CTNND2: variants seen among roughly 807,000 people sequenced by gnomAD.
CTNND2 encodes the protein catenin delta-2.
Under a neutral mutation model 144.4 loss-of-function variants are expected in CTNND2, and 22 were observed. The ratio of observed to expected loss-of-function variants is 0.15; its 90% CI spans 0.11 to 0.22. The LOEUF is 0.22. CTNND2 is among the 10% of genes least tolerant of loss of function. The pLI is 1.00. For missense variants in CTNND2, 1,353 were observed against 1,618.8 expected (o/e 0.84, Z 2.82); for synonymous variants, 751 against 695.6 (o/e 1.08, Z -1.25).
At chr5:11,733,969 T>C (rs1293540015) in intron 1 of CTNND2, among the ~76,000 whole-genome samples, 1 of 151,974 alleles carries the variant, frequency 6.6e-6, no homozygotes, top group Admixed American at 6.6e-5. Context: ...TGAGAGGAGA[T>C]GAAGTCAAGA....
At chr5:11,639,716 A>G (rs541393369) in intron 2 of CTNND2, among the ~76,000 whole-genome samples, 4 of 152,330 alleles carry the variant, frequency 2.6e-5, no homozygotes, top group South Asian at 2.1e-4. Context: ...TCAAAATTAT[A>G]TAACTCTAGA....
chr5:11,665,633 G>T (rs190097239), intron 2 of CTNND2, among the ~76,000 whole-genome samples: 31 of 152,266 alleles, frequency 2.0e-4, no homozygotes, highest in Admixed American at 1.9e-3. Context: ...CAGAATGACA[G>T]ATTTATATAA....
intron 6 of CTNND2, among the ~76,000 whole-genome samples, chr5:11,390,009 C>T (rs1759495997): frequency 6.6e-6 from 1 of 152,170 alleles, no homozygotes; most frequent in African/African-American, 2.4e-5. Context: ...CGCAAGTATT[C>T]TAAAATCGCC....
At chr5:11,240,386 TCACA>T (rs1211603571) in intron 9 of CTNND2, among the ~76,000 whole-genome samples, 2 of 93,808 alleles carry the variant, frequency 2.1e-5, no homozygotes, top group African/African-American at 4.6e-5. Flanking sequence ...ACACATACAC[TCACA>T]CACCCAACAC....
chr5:11,432,162 G>A (rs1011590074), intron 3 of CTNND2, among the ~76,000 whole-genome samples: 1 of 132,008 alleles, frequency 7.6e-6, no homozygotes, highest in Admixed American at 8.2e-5. Context: ...CTTAAGGACT[G>A]TTACTTTGAG....
intron 2 of CTNND2, among the ~76,000 whole-genome samples, chr5:11,672,155 C>T (rs1426012158): frequency 6.6e-6 from 1 of 152,212 alleles, no homozygotes; most frequent in African/African-American, 2.4e-5. Context: ...CCTCTGGAAG[C>T]TTCGTCCCAG....
At chr5:11,506,052 C>T (rs181220108) in intron 3 of CTNND2, among the ~76,000 whole-genome samples, 1 of 152,112 alleles carries the variant, frequency 6.6e-6, no homozygotes, top group Non-Finnish European at 1.5e-5. Context: ...TGTCTGTGTG[C>T]ATGGTGTCAC....
intron 3 of CTNND2, among the ~76,000 whole-genome samples, chr5:11,540,488 A>T (rs925319171): frequency 1.3e-5 from 2 of 152,142 alleles, no homozygotes; most frequent in Non-Finnish European, 2.9e-5. Context: ...ACACAGACTT[A>T]AGGTCATACT....
chr5:11,013,498 A>G (rs1430547588), intron 18 of CTNND2, among the ~76,000 whole-genome samples: 2 of 152,220 alleles, frequency 1.3e-5, no homozygotes, highest in East Asian at 3.8e-4. Context: ...GACCTAGAAA[A>G]GAAATGACCT....
intron 2 of CTNND2, among the ~76,000 whole-genome samples, chr5:11,700,958 T>C (rs770395868): frequency 1.3e-5 from 2 of 152,196 alleles, no homozygotes; most frequent in Non-Finnish European, 2.9e-5. Flanking sequence ...GGGGTAACTA[T>C]AAAATGATTA....
intron 1 of CTNND2, among the ~76,000 whole-genome samples, chr5:11,881,804 GAACTGCCC>G (rs1024911412): frequency 5.9e-5 from 9 of 151,948 alleles, no homozygotes; most frequent in African/African-American, 2.2e-4. Flanking sequence ...GTTTTTTGAA[GAACTGCCC>G]TACTTTCATA....
rs147651551 is a variant in CTNND2 at position 11,633,693 on chromosome 5, T to C, written c.175-68637A>G. Among the ~76,000 whole-genome samples the C allele has an allele frequency of 3.9e-5, 6 of 152,008 alleles. 1 individual carries two copies. The East Asian group carries it at 1.2e-3, about 29-fold the overall frequency. ...ATGGAGGCTAAGGCAGGAGAATTTCTTGAACCTGAGAGGCAGAGTTTGCAG... is the reference window on the plus strand; with the variant it reads ...ATGGAGGCTAAGGCAGGAGAATTTCCTGAACCTGAGAGGCAGAGTTTGCAG... On this transcript the variant is annotated intron_variant, in intron 2 of 21. Coordinates refer to ENST00000304623, the MANE Select transcript of CTNND2 (RefSeq NM_001332.4).
chr5:11,297,903 G>A (rs1749185702), intron 9 of CTNND2, among the ~76,000 whole-genome samples: 2 of 152,098 alleles, frequency 1.3e-5, no homozygotes, highest in Admixed American at 1.3e-4. Flanking sequence ...AAGACAAAAT[G>A]AAAATACCAT....
rs528374909 is a variant in CTNND2 at position 11,266,681 on chromosome 5, TACA to T, written c.1629-29861_1629-29859del. Among the ~76,000 whole-genome samples the T allele has an allele frequency of 2.0e-3, 299 of 152,358 alleles. 1 individual carries two copies. Among genetic ancestry groups the T allele is most frequent in the Non-Finnish European group, 3.5e-3 (238 of 68,044 alleles). ...ACTATTAAGTTAATGCACATTTATC[TACA>T]ACAATTCAATTCAGACTGCAAGAGA... is the stretch of plus-strand genomic sequence containing the variant. On this transcript the variant is annotated intron_variant, in intron 9 of 21. Coordinates refer to ENST00000304623, the MANE Select transcript of CTNND2 (RefSeq NM_001332.4).
chr5:11,108,656 T>C (rs1423916368), intron 14 of CTNND2, among the ~76,000 whole-genome samples: 2 of 152,218 alleles, frequency 1.3e-5, no homozygotes, highest in Non-Finnish European at 2.9e-5. Flanking sequence ...AATTGATTTA[T>C]AAGCTAAAAA....
At chr5:11,168,735 T>C (rs1432179212) in intron 11 of CTNND2, among the ~76,000 whole-genome samples, 1 of 152,160 alleles carries the variant, frequency 6.6e-6, no homozygotes, top group African/African-American at 2.4e-5. Context: ...TGTTTCTTGG[T>C]AGTTTTGTGC....
At chr5:11,072,759 A>G (rs1373481281) in intron 16 of CTNND2, among the ~76,000 whole-genome samples, 1 of 152,198 alleles carries the variant, frequency 6.6e-6, no homozygotes, top group Non-Finnish European at 1.5e-5. Context: ...CCAGCATCCC[A>G]TATCCGGCCT....
At chr5:11,626,772 C>T (rs1781177049) in intron 2 of CTNND2, among the ~76,000 whole-genome samples, 1 of 152,198 alleles carries the variant, frequency 6.6e-6, no homozygotes, top group South Asian at 2.1e-4. Flanking sequence ...CCATACAAAG[C>T]ATTAAACTTC....
chr5:11,010,841 C>G (rs1257530406), intron 18 of CTNND2, among the ~76,000 whole-genome samples: 1 of 152,250 alleles, frequency 6.6e-6, no homozygotes, highest in Non-Finnish European at 1.5e-5. Context: ...TCTTCACTTG[C>G]TGTGCAACCC....
Sources: gnomAD v4.1 joint callset for allele counts (sites outside exome capture counted in the v4.1 genomes callset) on GRCh38, gnomAD v4.1.1 for gene constraint, MANE v1.5 for transcripts, NCBI Gene and HGNC (gene_info 2026-07-23, HGNC 2026-07-21) for gene names.